Variants in CKAP4 observed in about 807,000 individuals in gnomAD.
The protein encoded by CKAP4 is cytoskeleton-associated protein 4.
Under a neutral mutation model 24.4 loss-of-function variants are expected in CKAP4, and 20 were observed. That is an observed-to-expected ratio of 0.82 (90% CI 0.58 to 1.19). The LOEUF is 1.19. CKAP4 is among the 50% of genes most tolerant of loss of function. The pLI, the probability that CKAP4 is intolerant of heterozygous loss-of-function variation, is 0.00. For missense variants in CKAP4, 744 were observed against 765.3 expected, an observed-to-expected ratio of 0.97 and a Z score of 0.33; for synonymous variants, 378 against 351.7, an observed-to-expected ratio of 1.07 and a Z score of -0.84.
chr12:106,241,395 G>A (rs1039831353), intron 1 of CKAP4, among the ~76,000 whole-genome samples: 1 of 149,988 alleles, frequency 6.7e-6, no homozygotes, highest in African/African-American at 2.5e-5. Context: ...TGCAGTGGCG[G>A]GATCTCGGCT....
chr12:106,239,189 C>T lies in CKAP4; in HGVS notation c.1644G>A (p.Ala548=), dbSNP rs774329720. 16 of 1,613,976 alleles carry T rather than the reference C, an allele frequency of 9.9e-6. No individual in the cohort carries two copies. Among genetic ancestry groups the T allele is most frequent in the East Asian group, 4.5e-5 (2 of 44,896 alleles). The change falls in exon 2 of 2, where the codon GCG becomes GCA. Residue 548 remains alanine (A), a synonymous_variant. Coordinates refer to ENST00000378026, the MANE Select transcript of CKAP4 (RefSeq NM_006825.4). The surrounding 1 kb of genome is among the most constrained non-coding windows in gnomAD (Gnocchi z 4.9). ...NLKASVSQVE[A]DLKMLRTAVD... is the part of the protein sequence containing the mutation. ...CAGCAGTCCTGAGCATTTTCAAGTC[C>T]GCCTCCACTTGGCTGACTGAGGCTT... is the stretch of plus-strand genomic sequence containing the variant.
Position 106,247,582 on chromosome 12 carries a change from G to GGCA in CKAP4, c.267_269dup (p.Ala94dup). On this transcript the variant is annotated inframe_insertion, in exon 1 of 2. Coordinates refer to ENST00000378026, the MANE Select transcript of CKAP4 (RefSeq NM_006825.4). This position sits in a 1 kb window ranked among gnomAD's most constrained non-coding sequence, Gnocchi z 4.5. ...ACGCCGAGGACGAGGCGGCGGCGGC[G>GGCA]GCAGCGGCGGCGGAGGCGGAGGAGG... 3 of 1,410,038 alleles carry GGCA rather than the reference G, an allele frequency of 2.1e-6. No homozygotes were observed. The highest frequency in any genetic ancestry group is 1.8e-6 in the Non-Finnish European group (2 of 1,082,260). 87.3% of individuals were successfully genotyped at this position (1,410,038 alleles called of 1,614,324 possible).
rs2033950910 is a variant in CKAP4, at chr12:106,239,688, G to A, written c.1145C>T (p.Ser382Phe). The change falls in exon 2 of 2, where the codon TCC becomes TTC. Residue 382 changes from serine (S) to phenylalanine (F), a missense_variant. This residue lies in a region of CKAP4 where 401 missense variants were observed against 424.5 expected (regional missense o/e 0.94). Transcript: ENST00000378026. The surrounding 1 kb of genome is among the most constrained non-coding windows in gnomAD (Gnocchi z 4.9). ...RLEEELRQLKSDSHGPKEDGG... is the reference protein window; with the variant it reads ...RLEEELRQLKFDSHGPKEDGG... ...GTCCTCCTTCGGCCCGTGGGAATCGGACTTCAGCTGGCGGAGCTCTTCCTC... is the reference window on the plus strand; with the variant it reads ...GTCCTCCTTCGGCCCGTGGGAATCGAACTTCAGCTGGCGGAGCTCTTCCTC... 6.2e-7 allele frequency: 1 copy of A among 1,614,150 alleles called. No individual in the cohort carries two copies. The highest frequency in any genetic ancestry group is 8.5e-7 in the Non-Finnish European group (1 of 1,180,026).
chr12:106,241,331 CT>C (rs34135868), intron 1 of CKAP4, among the ~76,000 whole-genome samples: 468 of 127,476 alleles, frequency 3.7e-3, no homozygotes, highest in African/African-American at 0.011. Flanking sequence ...GCCAGGGATT[CT>C]TTTTTTTTTT....
chr12:106,242,733 C>T (rs1251412438), intron 1 of CKAP4, among the ~76,000 whole-genome samples: 2 of 152,162 alleles, frequency 1.3e-5, no homozygotes, highest in African/African-American at 4.8e-5. Flanking sequence ...CAGGTGAGCA[C>T]AGTACCTTCA....
Position 106,239,897 on chromosome 12 carries a change from A to C in CKAP4, c.936T>G (p.Ser312Arg), listed in dbSNP as rs765938952. ...TGTCAGACTCCATAGTCTGAAGGGT[A>C]CTTCTCAGGGCCTCCATGTCCCACT... ...SREWDMEALRSTLQTMESDIY... is the reference protein window; with the variant it reads ...SREWDMEALRRTLQTMESDIY... The change falls in exon 2 of 2, where the codon AGT (serine) becomes AGG (arginine). Residue 312 changes from serine to arginine, a missense_variant. Ser to Arg is a moderately radical substitution (Grantham distance 110, BLOSUM62 -1). Coordinates refer to ENST00000378026, the MANE Select transcript of CKAP4 (RefSeq NM_006825.4). This position sits in a 1 kb window ranked among gnomAD's most constrained non-coding sequence, Gnocchi z 4.9. The C allele has an allele frequency of 1.2e-6, 2 of 1,613,950 alleles. No individual in the cohort carries two copies.
intron 1 of CKAP4, chr12:106,245,588 C>CTTTTTTTTTTT (rs35631315): frequency 2.4e-5 from 2 of 83,914 alleles, no homozygotes; most frequent in African/African-American, 4.8e-5. Flanking sequence ...CTCTGCCAGT[C>CTTTTTTTTTTT]TTTTTTTTTT....
chr12:106,240,386 G>C, intron 1 of CKAP4, 37 bp from the exon 2 acceptor site: 1 of 1,579,196 alleles, frequency 6.3e-7, no homozygotes, highest in Non-Finnish European at 8.6e-7. Flanking sequence ...GCTGAGAAGA[G>C]CTGATGAGTT....
chr12:106,247,494 C>T lies in CKAP4; in HGVS notation c.358G>A (p.Ala120Thr), dbSNP rs2034022929. The T allele has an allele frequency of 2.6e-6, 4 of 1,543,690 alleles. No homozygotes were observed. Among genetic ancestry groups the T allele is most frequent in the Non-Finnish European group, 1.7e-6 (2 of 1,148,026 alleles). The change falls in exon 1 of 2, where the codon GCC becomes ACC. Residue 120 changes from alanine to threonine, a missense_variant. Ala to Thr is a moderately conservative substitution (Grantham distance 58, BLOSUM62 0). This residue lies in a region of CKAP4 where 300 missense variants were observed against 264.5 expected (regional missense o/e 1.13). Transcript: ENST00000378026. The surrounding 1 kb of genome is among the most constrained non-coding windows in gnomAD (Gnocchi z 4.5). ...TGGACGCACCAGCCCGAGAAAGCGG[C>T]CGCCGCCACCAGGGCGAGGTAGAAG... ...FLFYLALVAA[A>T]AFSGWCVHHV...
intron 1 of CKAP4, among the ~76,000 whole-genome samples, chr12:106,243,505 T>C (rs2033983659): frequency 6.6e-6 from 1 of 152,140 alleles, no homozygotes; most frequent in Non-Finnish European, 1.5e-5. Flanking sequence ...CACAAATAGG[T>C]CCTAGTCTCA....
Position 106,247,654 on chromosome 12 carries a change from C to A in CKAP4, c.198G>T (p.Lys66Asn). Residue 66 changes from lysine to asparagine, a missense_variant, in exon 1 of 2, where the codon AAG becomes AAT. Physicochemically the swap from Lys to Asn is moderately conservative, Grantham distance 94 (BLOSUM62 0). Transcript: ENST00000378026. This position sits in a 1 kb window ranked among gnomAD's most constrained non-coding sequence, Gnocchi z 4.5. ...CGCCGCCGCCGCCGCGGTGGCCGCCCTTGCCGTGCGCCTGGTTCTGCGGGT... is the reference window on the plus strand; with the variant it reads ...CGCCGCCGCCGCCGCGGTGGCCGCCATTGCCGTGCGCCTGGTTCTGCGGGT... The part of the protein sequence containing the change: ...QQHPQNQAHG[K>N]GGHRGGGGGG... The A allele has an allele frequency of 9.0e-7, 1 of 1,107,842 alleles. No homozygotes were observed. The highest frequency in any genetic ancestry group is 1.1e-6 in the Non-Finnish European group (1 of 885,396). The allele number at this position is 1,107,842 out of a possible 1,614,324, so 68.6% of individuals were successfully genotyped here.
chr12:106,239,231 A>C lies in CKAP4; in HGVS notation c.1602T>G (p.Ser534=). Residue 534 remains serine (S), a synonymous_variant, in exon 2 of 2, where the codon TCT becomes TCG. Coordinates refer to ENST00000378026, the MANE Select transcript of CKAP4 (RefSeq NM_006825.4). The surrounding 1 kb of genome is among the most constrained non-coding windows in gnomAD (Gnocchi z 4.9). The part of the protein sequence containing the change: ...LPPQDFLDRL[S]SLDNLKASVS... ...CTGAGGCTTTCAGGTTGTCTAGAGA[A>C]GAAAGTCTGTCCAGGAAGTCCTGAG... 1 of 1,614,150 alleles carries C rather than the reference A, an allele frequency of 6.2e-7. No individual in the cohort carries two copies. The highest frequency in any genetic ancestry group is 8.5e-7 in the Non-Finnish European group (1 of 1,180,046).
rs71442016 is a variant in CKAP4 at position 106,238,662 on chromosome 12, CTTTT to C, written c.*358_*361del. 1.3e-4 allele frequency: 20 copies of C among 158,644 alleles called. No individual in the cohort carries two copies. The South Asian group carries it at 2.0e-3, about 16-fold the overall frequency. 9.8% of individuals were successfully genotyped at this position (158,644 alleles called of 1,614,324 possible). A position where few individuals can be genotyped will look rare whatever the true frequency, so the allele number is the denominator to read the frequency against. ...AAAGAAAAGGGTCCCCCCAACCCAC[CTTTT>C]TTTTTTTTTTACTTGAAATCTGCCA... On this transcript the variant is annotated 3_prime_UTR_variant, in exon 2 of 2. Transcript: ENST00000378026.
In CKAP4 at chr12:106,238,675, T is replaced by TTA. The variant is rs2033934362; in HGVS notation, c.*347_*348dup. Reference sequence around the variant, plus strand: ...CCCCCAACCCACCTTTTTTTTTTTTTTACTTGAAATCTGCCAGCCAGACAG... The same window carrying TTA: ...CCCCCAACCCACCTTTTTTTTTTTTTTATACTTGAAATCTGCCAGCCAGACAG... On this transcript the variant is annotated 3_prime_UTR_variant, in exon 2 of 2. Transcript: ENST00000378026. The TTA allele has an allele frequency of 5.4e-6, 1 of 186,896 alleles. No individual in the cohort carries two copies. Among genetic ancestry groups the TTA allele is most frequent in the Admixed American group, 6.0e-5 (1 of 16,792 alleles). The allele number at this position is 186,896 out of a possible 1,614,324, so 11.6% of individuals were successfully genotyped here. A position where few individuals can be genotyped will look rare whatever the true frequency, so the allele number is the denominator to read the frequency against.
intron 1 of CKAP4, among the ~76,000 whole-genome samples, chr12:106,245,842 G>GA (rs1319741329): frequency 8.9e-4 from 135 of 152,106 alleles, no homozygotes; most frequent in African/African-American, 3.0e-3. Context: ...TGATCCGCCC[G>GA]CCTCGGCCTC....
Position 106,247,378 on chromosome 12 carries a change from G to A in CKAP4, c.474C>T (p.Val158=), listed in dbSNP as rs1461516741. The A allele has an allele frequency of 2.6e-6, 4 of 1,532,580 alleles. No homozygotes were observed. The highest frequency in any genetic ancestry group is 1.2e-5 in the South Asian group (1 of 83,868). The allele number at this position is 1,532,580 out of a possible 1,614,324, so 94.9% of individuals were successfully genotyped here. The stretch of plus-strand genomic sequence containing the variant: ...GGCCGGGGGTACCCACCTTCTGCTC[G>A]ACGCCCTGCAAGCCCTGGCCCAGCT... ...REELGQGLQG[V]EQKVQSLQAT... The change falls in exon 1 of 2, where the codon GTC becomes GTT. Residue 158 remains valine (V), a synonymous_variant. Coordinates refer to ENST00000378026, the MANE Select transcript of CKAP4 (RefSeq NM_006825.4). This position sits in a 1 kb window ranked among gnomAD's most constrained non-coding sequence, Gnocchi z 4.5.
In CKAP4 at chr12:106,240,193, C is replaced by T; in HGVS notation, c.640G>A (p.Asp214Asn). 6.2e-7 allele frequency: 1 copy of T among 1,614,172 alleles called. No homozygotes were observed. Among genetic ancestry groups the T allele is most frequent in the Non-Finnish European group, 8.5e-7 (1 of 1,180,040 alleles). The change falls in exon 2 of 2, where the codon GAC becomes AAC. Residue 214 changes from aspartate to asparagine, a missense_variant. Around this residue, in one of 3 missense-constraint regions of CKAP4, gnomAD observed 43 missense variants for 76.4 expected, o/e 0.56. Transcript: ENST00000378026. Reference protein sequence around the residue: ...LQKLQNEILKDLSDGIHVVKD... With the variant: ...LQKLQNEILKNLSDGIHVVKD... Reference sequence around the variant, plus strand: ...ACCACATGGATCCCATCCGAGAGGTCTTTGAGAATCTCATTCTGGAGTTTC... The same window carrying T: ...ACCACATGGATCCCATCCGAGAGGTTTTTGAGAATCTCATTCTGGAGTTTC...
In CKAP4 at chr12:106,247,273, G is replaced by T. The variant is rs1452484234; in HGVS notation, c.483+96C>A. On this transcript the variant is annotated intron_variant, in intron 1 of 1. Transcript: ENST00000378026. This position sits in a 1 kb window ranked among gnomAD's most constrained non-coding sequence, Gnocchi z 4.5. ...GGCTCCCGCCTCCGGGCCTGGGCAGGCAGCGCTAGGGGCCGGTCGGGAAGC... is the reference window on the plus strand; with the variant it reads ...GGCTCCCGCCTCCGGGCCTGGGCAGTCAGCGCTAGGGGCCGGTCGGGAAGC... 5 of 1,154,692 alleles carry T rather than the reference G, an allele frequency of 4.3e-6. No individual in the cohort carries two copies. The African/African-American group carries it at 6.5e-5, about 15-fold the overall frequency. The allele number at this position is 1,154,692 out of a possible 1,614,324, so 71.5% of individuals were successfully genotyped here.
chr12:106,238,856 ATAAGT>A lies in CKAP4; in HGVS notation c.*163_*167del. ...GAAGCAGAGAACTTAAATATTGTAA[ATAAGT>A]TAACTGGGCATGAAAATACAATGCC... On this transcript the variant is annotated 3_prime_UTR_variant, in exon 2 of 2. Transcript: ENST00000378026. The A allele has an allele frequency of 1.4e-6, 1 of 733,324 alleles. No individual in the cohort carries two copies. Among genetic ancestry groups the A allele is most frequent in the Non-Finnish European group, 2.3e-6 (1 of 440,654 alleles). 45.4% of individuals were successfully genotyped at this position (733,324 alleles called of 1,614,324 possible).
Sources: allele counts gnomAD v4.1 joint callset (sites outside exome capture counted in the v4.1 genomes callset), GRCh38; gene constraint gnomAD v4.1.1; regional missense constraint gnomAD v4.1.1; non-coding constraint Gnocchi (gnomAD v3.1); transcripts MANE v1.5; gene names NCBI Gene and HGNC (gene_info 2026-07-23, HGNC 2026-07-21).